The following DDX19B variants were observed in gnomAD, a reference collection of about 807,000 sequenced individuals.
DDX19B encodes the protein ATP-dependent RNA helicase DDX19B.
In DDX19B, 27 loss-of-function variants were observed where a neutral mutation model predicts 58.1. That is an observed-to-expected ratio of 0.46 (90% CI 0.34 to 0.64). The LOEUF is 0.64. Ranked by LOEUF, DDX19B falls within the 30% of genes least tolerant of loss-of-function variation. The probability of loss-of-function intolerance (pLI) is 0.01; values close to 1 mark genes in which losing one functional copy is unlikely to be tolerated. For missense variants in DDX19B, 399 were observed against 596.5 expected (o/e 0.67, Z 3.45); for synonymous variants, 187 against 214.4 (o/e 0.87, Z 1.12).
At chr16:70,313,508 G>A (rs1597476461) in intron 2 of DDX19B, among the ~76,000 whole-genome samples, 1 of 152,120 alleles carries the variant, frequency 6.6e-6, no homozygotes, top group South Asian at 2.1e-4. Flanking sequence ...GGTGTGGGGG[G>A]AACAAAGAAT....
At chr16:70,307,441 CAACCTCTGCCTCCCGGGTTTA>C (rs1270267769) in intron 1 of DDX19B, among the ~76,000 whole-genome samples, 2 of 150,988 alleles carry the variant, frequency 1.3e-5, no homozygotes, top group Admixed American at 1.3e-4. Context: ...CGGCTCACTG[CAACCTCTGCCTCCCGGGTTTA>C]AGCGATTCTC....
intron 1 of DDX19B, 130 bp downstream of exon 1, chr16:70,299,484 G>A (rs1961371836): frequency 8.9e-7 from 1 of 1,125,918 alleles, no homozygotes; most frequent in Non-Finnish European, 1.2e-6. Flanking sequence ...ATGGAGCCTG[G>A]ACCCTGAGCT....
In DDX19B at chr16:70,334,973, T is replaced by C. The variant is rs2152217946; in HGVS notation, c.*1391T>C. 1 of 152,312 alleles carries C rather than the reference T, an allele frequency of 6.6e-6. No individual in the cohort carries two copies. The highest frequency in any genetic ancestry group is 2.4e-5 in the African/African-American group (1 of 41,568). 9.4% of individuals were successfully genotyped at this position (152,312 alleles called of 1,614,324 possible). ...AGAAGAGTTTGATGGCTAAGAACGATTGTGATCCTAGGTCTTCTTTGTACG... is the reference window on the plus strand; with the variant it reads ...AGAAGAGTTTGATGGCTAAGAACGACTGTGATCCTAGGTCTTCTTTGTACG... On this transcript the variant is annotated 3_prime_UTR_variant, in exon 12 of 12. Coordinates refer to ENST00000288071, the MANE Select transcript of DDX19B (RefSeq NM_007242.7).
upstream of DDX19B, among the ~76,000 whole-genome samples, chr16:70,290,356 T>A (rs969490973): frequency 5.3e-5 from 8 of 151,980 alleles, no homozygotes; most frequent in African/African-American, 1.9e-4. Flanking sequence ...GCCAACATGG[T>A]GAAACCCCGT....
intron 5 of DDX19B, among the ~76,000 whole-genome samples, chr16:70,322,891 CAAAAA>C (rs113261271): frequency 1.0e-4 from 5 of 48,168 alleles, no homozygotes; most frequent in African/African-American, 2.1e-4. Flanking sequence ...AACTCCGTTG[CAAAAA>C]AAAAAAAAAA....
chr16:70,321,014 G>A (rs1185997950), intron 5 of DDX19B, among the ~76,000 whole-genome samples: 2 of 148,520 alleles, frequency 1.3e-5, no homozygotes, highest in South Asian at 2.1e-4. Context: ...CCAGGCTGGA[G>A]TGCAATGGCG....
intron 9 of DDX19B, among the ~76,000 whole-genome samples, chr16:70,331,113 A>G (rs924011207): frequency 2.6e-5 from 4 of 152,210 alleles, no homozygotes; most frequent in East Asian, 1.9e-4. Context: ...GTCTTGCTCT[A>G]TCATTCAGGC....
chr16:70,317,038 C>G (rs577101673), intron 4 of DDX19B, among the ~76,000 whole-genome samples: 6 of 151,878 alleles, frequency 4.0e-5, no homozygotes, highest in Non-Finnish European at 7.4e-5. Flanking sequence ...AACCCCATCT[C>G]TACTAAAAAT....
At chr16:70,323,428 CTTTTTTTT>C (rs1332976111) in intron 5 of DDX19B, among the ~76,000 whole-genome samples, 1 of 141,220 alleles carries the variant, frequency 7.1e-6, no homozygotes, top group Non-Finnish European at 1.6e-5. Flanking sequence ...TTTCTTTTTT[CTTTTTTTT>C]TTTTTGACAC....
chr16:70,294,981 C>T, upstream of DDX19B: 1 of 1,433,526 alleles, frequency 7.0e-7, no homozygotes. Flanking sequence ...TTCCTCGCCC[C>T]TACTCCTGGG....
chr16:70,316,211 GTT>G (rs35388962), intron 4 of DDX19B, 107 bp downstream of exon 4: 2,223 of 1,200,676 alleles, frequency 1.9e-3, no homozygotes, highest in South Asian at 2.9e-3. Flanking sequence ...AGCTAACCAA[GTT>G]TTTTTTTTTT....
At chr16:70,331,383 A>G (rs1423547644) in intron 9 of DDX19B, among the ~76,000 whole-genome samples, 1 of 152,212 alleles carries the variant, frequency 6.6e-6, no homozygotes, top group Non-Finnish European at 1.5e-5. Flanking sequence ...ATCTTTGGCT[A>G]AAGCCACACT....
At chr16:70,292,375 G>A (rs1178760382), upstream of DDX19B, among the ~76,000 whole-genome samples, 6 of 152,038 alleles carry the variant, frequency 3.9e-5, no homozygotes, top group East Asian at 1.9e-4. Flanking sequence ...TTGAACTCCC[G>A]ACCTCAGGTG....
Position 70,317,349 on chromosome 16 carries a change from G to A in DDX19B, c.297-147G>A. On this transcript the variant is annotated intron_variant, in intron 4 of 11. Transcript: ENST00000288071. ...TGAGCCGAGACTGCACCTTTGCACT[G>A]CAGCCTGGGCAATAGATCGAGACTC... 1.1e-5 allele frequency: 6 copies of A among 538,168 alleles called. No individual in the cohort carries two copies. In the Admixed American group the frequency reaches 1.3e-4, roughly 12 times the overall value. 33.3% of individuals were successfully genotyped at this position (538,168 alleles called of 1,614,324 possible).
Position 70,329,702 on chromosome 16 carries a change from C to T in DDX19B, c.786-129C>T, listed in dbSNP as rs985571625. 3.7e-5 allele frequency: 50 copies of T among 1,344,146 alleles called. No homozygotes were observed. The Middle Eastern group carries it at 9.2e-4, about 25-fold the overall frequency. The allele number at this position is 1,344,146 out of a possible 1,614,324, so 83.3% of individuals were successfully genotyped here. On this transcript the variant is annotated intron_variant, in intron 8 of 11. Coordinates refer to ENST00000288071, the MANE Select transcript of DDX19B (RefSeq NM_007242.7). ...CCCTGTCCCCATCCCAGGCCTGCTG[C>T]TCCTCCTCCCCAAGACGCTCCTCTC...
At chr16:70,310,955 C>G (rs533494173) in intron 1 of DDX19B, among the ~76,000 whole-genome samples, 14 of 150,162 alleles carry the variant, frequency 9.3e-5, no homozygotes, top group Non-Finnish European at 1.8e-4. Flanking sequence ...GGCATGAACC[C>G]GGGAGGCGGA....
chr16:70,294,680 T>C (rs903203710), upstream of DDX19B: 53 of 480,332 alleles, frequency 1.1e-4, no homozygotes, highest in Non-Finnish European at 1.8e-4. Flanking sequence ...GCGGGAGGCT[T>C]GCGCTTGTCT....
intron 4 of DDX19B, among the ~76,000 whole-genome samples, chr16:70,316,364 C>G (rs1005992536): frequency 4.6e-5 from 7 of 152,098 alleles, no homozygotes; most frequent in African/African-American, 1.4e-4. Context: ...TGCACACCAC[C>G]ACGCCTGGCT....
chr16:70,290,549 A>T (rs1023644015), upstream of DDX19B, among the ~76,000 whole-genome samples: 1 of 152,054 alleles, frequency 6.6e-6, no homozygotes, highest in Non-Finnish European at 1.5e-5. Flanking sequence ...AAAAATAAAA[A>T]TTAGCCAGGC....
Sources: allele counts gnomAD v4.1 joint callset (sites outside exome capture counted in the v4.1 genomes callset), GRCh38; gene constraint gnomAD v4.1.1; transcripts MANE v1.5; gene names NCBI Gene and HGNC (gene_info 2026-07-23, HGNC 2026-07-21).